Variants in ZNF407 observed in about 807,000 individuals in gnomAD.
The protein encoded by ZNF407 is zinc finger protein 407.
Under a neutral mutation model 131.2 loss-of-function variants are expected in ZNF407, and 17 were observed. The observed-to-expected ratio is 0.13, with a 90% CI of 0.09 to 0.19. ZNF407 has a LOEUF of 0.19. Among genes scored for constraint, ZNF407 ranks in the 10% least tolerant of loss-of-function variants. ZNF407 has a pLI of 1.00. For synonymous variants in ZNF407, 1,156 were observed against 1,062.0 expected (o/e 1.09, Z -1.72); for missense variants, 2,681 against 2,830.6 (o/e 0.95, Z 1.20).
intron 8 of ZNF407, among the ~76,000 whole-genome samples, chr18:74,967,684 A>C (rs1972424692): frequency 6.6e-6 from 1 of 152,236 alleles, no homozygotes; most frequent in Non-Finnish European, 1.5e-5. Flanking sequence ...TCAATCAGCA[A>C]GTCAAGGAAC....
chr18:74,929,131 T>C (rs970403043), intron 8 of ZNF407, among the ~76,000 whole-genome samples: 1 of 152,164 alleles, frequency 6.6e-6, no homozygotes, highest in Non-Finnish European at 1.5e-5. Flanking sequence ...CTACAGGACC[T>C]TAAAGAAAAG....
At position 74,657,204 on chromosome 18, in the gene ZNF407, G is replaced by A. The variant is rs188474298; in HGVS notation, c.4802+16082G>A. On this transcript the variant is annotated intron_variant, in intron 3 of 8. Coordinates refer to ENST00000299687, the MANE Select transcript of ZNF407 (RefSeq NM_017757.3). ...AGTTTTCTTGATTTAGTTCAAGCCCGTGGAAACTAAAATTGAGGGTAATTT... is the reference window on the plus strand; with the variant it reads ...AGTTTTCTTGATTTAGTTCAAGCCCATGGAAACTAAAATTGAGGGTAATTT... 2.5e-3 allele frequency among the ~76,000 whole-genome samples: 381 copies of A among 151,404 alleles called. 5 individuals are homozygous for A. The highest frequency in any genetic ancestry group is 8.4e-3 in the African/African-American group (345 of 41,252).
intron 8 of ZNF407, among the ~76,000 whole-genome samples, chr18:74,967,907 A>C (rs372574265): frequency 6.6e-6 from 1 of 152,226 alleles, no homozygotes; most frequent in Admixed American, 6.5e-5. Flanking sequence ...CAACCTACAC[A>C]GTCTCTTGAC....
intron 3 of ZNF407, among the ~76,000 whole-genome samples, chr18:74,690,270 A>G (rs1004298747): frequency 2.6e-5 from 4 of 152,236 alleles, no homozygotes; most frequent in African/African-American, 9.6e-5. Flanking sequence ...TAATTCCTTT[A>G]CAAGGAAACA....
At chr18:74,717,194 A>G (rs1599094832) in intron 3 of ZNF407, among the ~76,000 whole-genome samples, 5 of 152,350 alleles carry the variant, frequency 3.3e-5, no homozygotes, top group Admixed American at 3.3e-4. Context: ...ATGTGTAAAA[A>G]TGACAATAAA....
At position 74,601,621 on chromosome 18, in the gene ZNF407, A is replaced by G. The variant is rs552322433; in HGVS notation, c.-54+3684A>G. Among the ~76,000 whole-genome samples the G allele has an allele frequency of 4.2e-3, 638 of 152,282 alleles. 5 individuals carry two copies. Among genetic ancestry groups the G allele is most frequent in the Non-Finnish European group, 7.3e-3 (497 of 68,022 alleles). On this transcript the variant is annotated intron_variant, in intron 1 of 8. Transcript: ENST00000299687. ...AAGCTCTCCATCATGGCAGAAGGCA[A>G]ACGGGGAGCTTGCATATCCCATGGC...
rs757174772 is a variant in ZNF407, at chr18:75,064,288, C to A, written c.6567C>A (p.Thr2189=). The change falls in exon 9 of 9, where the codon ACC becomes ACA. Residue 2189 remains threonine, a synonymous_variant. Transcript: ENST00000299687. ...VQDEPGLYSH[T]VLETADSQEL... ...ACGAGCCGGGCCTGTACTCCCACAC[C>A]GTGCTGGAGACTGCGGACTCGCAGG... 2 of 1,602,846 alleles carry A rather than the reference C, an allele frequency of 1.2e-6. No homozygotes were observed. Among genetic ancestry groups the A allele is most frequent in the South Asian group, 1.1e-5 (1 of 89,820 alleles).
intron 1 of ZNF407, among the ~76,000 whole-genome samples, chr18:74,615,520 C>T (rs765871326): frequency 3.9e-5 from 6 of 152,130 alleles, no homozygotes; most frequent in African/African-American, 9.7e-5. Flanking sequence ...ACTTTTATCA[C>T]GTTTGAGCTG....
At position 74,874,499 on chromosome 18, in the gene ZNF407, G is replaced by A. The variant is rs529737874; in HGVS notation, c.4878-2698G>A. ...TGGCTGGAGGGGCATCTCCTTGGGGGGTGGCAGGCGAGGAAGAGTCACAGC... is the reference window on the plus strand; with the variant it reads ...TGGCTGGAGGGGCATCTCCTTGGGGAGTGGCAGGCGAGGAAGAGTCACAGC... On this transcript the variant is annotated intron_variant, in intron 4 of 8. Transcript: ENST00000299687. Among the ~76,000 whole-genome samples, 6 of 152,280 alleles carry A rather than the reference G, an allele frequency of 3.9e-5. No individual in the cohort carries two copies. The East Asian group carries it at 1.2e-3, about 30-fold the overall frequency.
chr18:74,734,206 A>G (rs911588376), intron 3 of ZNF407, among the ~76,000 whole-genome samples: 4 of 152,142 alleles, frequency 2.6e-5, no homozygotes, highest in African/African-American at 7.2e-5. Context: ...CACGCCACTC[A>G]TTGAGACTTG....
intron 8 of ZNF407, among the ~76,000 whole-genome samples, chr18:74,985,715 G>A (rs546002403): frequency 1.3e-5 from 2 of 152,186 alleles, no homozygotes; most frequent in Admixed American, 6.5e-5. Flanking sequence ...GGAGCCACAC[G>A]TGGGGCCCAA....
chr18:74,666,959 T>C (rs1349475956), intron 3 of ZNF407, among the ~76,000 whole-genome samples: 1 of 152,210 alleles, frequency 6.6e-6, no homozygotes, highest in Non-Finnish European at 1.5e-5. Flanking sequence ...GTTGAGGCAG[T>C]TGTCCGCCCC....
intron 1 of ZNF407, among the ~76,000 whole-genome samples, chr18:74,613,733 C>T (rs942433194): frequency 6.6e-6 from 1 of 152,154 alleles, no homozygotes; most frequent in African/African-American, 2.4e-5. Context: ...ATTCTCAGTG[C>T]TTTTTGGTGT....
intron 8 of ZNF407, among the ~76,000 whole-genome samples, chr18:74,955,240 C>G (rs1008031528): frequency 1.3e-5 from 2 of 151,986 alleles, no homozygotes; most frequent in African/African-American, 4.8e-5. Flanking sequence ...AGTGTTTACA[C>G]AGGCACATCT....
At chr18:74,711,593 T>A (rs1014163370) in intron 3 of ZNF407, among the ~76,000 whole-genome samples, 1 of 152,238 alleles carries the variant, frequency 6.6e-6, no homozygotes, top group Non-Finnish European at 1.5e-5. Flanking sequence ...ATTCCTGGGC[T>A]GGACTTCAGA....
At chr18:74,979,704 C>T (rs940654900) in intron 8 of ZNF407, among the ~76,000 whole-genome samples, 3 of 152,104 alleles carry the variant, frequency 2.0e-5, no homozygotes, top group Non-Finnish European at 4.4e-5. Flanking sequence ...TTATGAAGAA[C>T]TGAAATACAT....
chr18:74,894,099 A>C (rs571861845), intron 7 of ZNF407, among the ~76,000 whole-genome samples: 1 of 152,068 alleles, frequency 6.6e-6, no homozygotes, highest in Admixed American at 6.5e-5. Flanking sequence ...ACCTGAGGCT[A>C]TTTTTCAAGT....
intron 3 of ZNF407, among the ~76,000 whole-genome samples, chr18:74,682,591 T>C (rs1433817097): frequency 6.6e-6 from 1 of 152,192 alleles, no homozygotes; most frequent in Non-Finnish European, 1.5e-5. Flanking sequence ...CTTTTTTGTT[T>C]TGGTCACAGC....
chr18:74,940,903 C>G (rs1238012576), intron 8 of ZNF407, among the ~76,000 whole-genome samples: 1 of 152,166 alleles, frequency 6.6e-6, no homozygotes, highest in East Asian at 1.9e-4. Flanking sequence ...GTGTACTGCT[C>G]AGTTTTCTTT....
Sources: gnomAD v4.1 joint callset for allele counts (sites outside exome capture counted in the v4.1 genomes callset) on GRCh38, gnomAD v4.1.1 for gene constraint, MANE v1.5 for transcripts, NCBI Gene and HGNC (gene_info 2026-07-23, HGNC 2026-07-21) for gene names.